ARL17A: variants seen among roughly 807,000 people sequenced by gnomAD.
ARL17A encodes the protein ADP-ribosylation factor-like 17-like.
intron 4 of ARL17A, among the ~76,000 whole-genome samples, chr17:46,535,143 C>T (rs1356307230): frequency 4.7e-5 from 7 of 148,840 alleles, no homozygotes; most frequent in Non-Finnish European, 4.4e-5. Flanking sequence ...ATTCTTGAGC[C>T]TCAAGCCTCC....
the ARL17A span, among the ~76,000 whole-genome samples, chr17:46,502,726 T>G: frequency 6.6e-6 from 1 of 151,324 alleles, no homozygotes; most frequent in Non-Finnish European, 1.5e-5. Flanking sequence ...GAGGGTTTTT[T>G]GTTTTTGTTT....
At chr17:46,516,355 AT>A (rs1185110343), downstream of ARL17A, among the ~76,000 whole-genome samples, 1 of 124,920 alleles carries the variant, frequency 8.0e-6, no homozygotes, top group East Asian at 2.2e-4. Context: ...AAAGGGAGGT[AT>A]ATATAATTAA....
At chr17:46,569,329 G>A (rs1165007731) in intron 3 of ARL17A, among the ~76,000 whole-genome samples, 3 of 149,740 alleles carry the variant, frequency 2.0e-5, no homozygotes, top group African/African-American at 2.5e-5. Flanking sequence ...TTTTGGAGAT[G>A]TTATAATAGC....
the ARL17A span, among the ~76,000 whole-genome samples, chr17:46,501,084 A>T: frequency 6.6e-6 from 1 of 151,298 alleles, no homozygotes; most frequent in African/African-American, 2.5e-5. Flanking sequence ...GAGACAGAAT[A>T]TCCCTGTGTT....
At chr17:46,509,902 C>CCA in the ARL17A span, among the ~76,000 whole-genome samples, 9 of 51,032 alleles carry the variant, frequency 1.8e-4, 4 homozygotes, top group Non-Finnish European at 3.1e-4. Context: ...GCAAGACACT[C>CCA]TCTCGAGGAA....
At chr17:46,534,407 G>T (rs2038598657) in intron 4 of ARL17A, among the ~76,000 whole-genome samples, 1 of 147,316 alleles carries the variant, frequency 6.8e-6, no homozygotes, top group Non-Finnish European at 1.5e-5. Context: ...CTCTTAACGA[G>T]CATGCTGCTT....
intron 2 of ARL17A, among the ~76,000 whole-genome samples, chr17:46,575,383 A>C (rs985826470): frequency 1.3e-5 from 2 of 151,938 alleles, no homozygotes; most frequent in African/African-American, 4.9e-5. Flanking sequence ...AGCCAGAGTG[A>C]AGAAAAGAAA....
intron 4 of ARL17A, among the ~76,000 whole-genome samples, chr17:46,535,012 G>A (rs562210450): frequency 1.3e-3 from 188 of 150,048 alleles, no homozygotes; most frequent in Non-Finnish European, 2.2e-3. Context: ...AGACAGGGTC[G>A]CGGCCGGGCA....
At chr17:46,516,302 CAA>C (rs1159712527), downstream of ARL17A, among the ~76,000 whole-genome samples, 2 of 63,174 alleles carry the variant, frequency 3.2e-5, 1 homozygote, top group Non-Finnish European at 8.0e-5. Context: ...GACTCCATCT[CAA>C]AAAAAAAAAT....
chr17:46,541,243 C>G (rs1046160979), intron 3 of ARL17A, among the ~76,000 whole-genome samples: 5 of 150,466 alleles, frequency 3.3e-5, no homozygotes, highest in African/African-American at 1.3e-4. Context: ...GCTCCTTTCA[C>G]AAAGCCTAAT....
At chr17:46,502,794 A>C in the ARL17A span, among the ~76,000 whole-genome samples, 7 of 151,302 alleles carry the variant, frequency 4.6e-5, no homozygotes, top group African/African-American at 1.7e-4. Context: ...AATGTTATCC[A>C]AGGTGACAAC....
chr17:46,568,942 C>CTT (rs1350099989), intron 3 of ARL17A, among the ~76,000 whole-genome samples: 11 of 71,168 alleles, frequency 1.5e-4, no homozygotes, highest in Non-Finnish European at 2.1e-4. Context: ...TTTTTTTTCT[C>CTT]TTTTTTTTTT....
At chr17:46,534,784 GC>G (rs1276768223) in intron 4 of ARL17A, among the ~76,000 whole-genome samples, 7 of 149,034 alleles carry the variant, frequency 4.7e-5, no homozygotes, top group Admixed American at 6.6e-5. Context: ...GGGCAGAGGC[GC>G]CCCCCCACCT....
chr17:46,530,437 A>G (rs1354672279), intron 4 of ARL17A, among the ~76,000 whole-genome samples: 1 of 143,880 alleles, frequency 7.0e-6, no homozygotes, highest in Non-Finnish European at 1.5e-5. Flanking sequence ...TGGCACTGAA[A>G]AACCATCTGG....
chr17:46,575,355 T>C (rs1294752540), intron 2 of ARL17A, among the ~76,000 whole-genome samples: 3 of 151,728 alleles, frequency 2.0e-5, no homozygotes, highest in African/African-American at 7.3e-5. Flanking sequence ...TTGGACATCA[T>C]CTCAAGCAGT....
In ARL17A at chr17:46,533,500, T is replaced by C. The variant is rs552464548; in HGVS notation, c.336-4641A>G. ...GCATTATGTAAGTATCTTTTTCTTT[T>C]TTTTTTTTTTCTTTATTTTGGGACA... On this transcript the variant is annotated intron_variant, in intron 4 of 4. Transcript: ENST00000329240. Among the ~76,000 whole-genome samples, 3 of 147,210 alleles carry C rather than the reference T, an allele frequency of 2.0e-5. No individual in the cohort carries two copies. The South Asian group carries it at 6.4e-4, about 31-fold the overall frequency.
chr17:46,541,745 T>C (rs2055362240), intron 3 of ARL17A, among the ~76,000 whole-genome samples: 1 of 150,840 alleles, frequency 6.6e-6, no homozygotes, highest in Non-Finnish European at 1.5e-5. Flanking sequence ...AAATACAGTA[T>C]AATTATGTAC....
chr17:46,545,473 G>A (rs1400943197), intron 3 of ARL17A, among the ~76,000 whole-genome samples: 1 of 113,402 alleles, frequency 8.8e-6, no homozygotes, highest in African/African-American at 4.6e-5. Context: ...TTTTCCCCTT[G>A]GTAATTAATA....
intron 3 of ARL17A, among the ~76,000 whole-genome samples, chr17:46,569,184 G>A (rs2057634002): frequency 6.6e-6 from 1 of 151,716 alleles, no homozygotes; most frequent in Non-Finnish European, 1.5e-5. Context: ...CTGACCTCAG[G>A]TGATCCACCA....
Sources: gnomAD v4.1 joint callset for allele counts (sites outside exome capture counted in the v4.1 genomes callset) on GRCh38, gnomAD v4.1.1 for gene constraint, MANE v1.5 for transcripts, NCBI Gene and HGNC (gene_info 2026-07-23, HGNC 2026-07-21) for gene names.